TNIK: variants seen among roughly 807,000 people sequenced by gnomAD.
TNIK encodes TRAF2 and NCK-interacting protein kinase.
A neutral mutation model predicts 191.3 loss-of-function variants in TNIK; 49 were observed. The ratio of observed to expected loss-of-function variants is 0.26; its 90% confidence interval spans 0.20 to 0.32. The LOEUF (loss-of-function observed/expected upper bound fraction) is 0.32. Ranked by LOEUF, TNIK falls within the 10% of genes least tolerant of loss-of-function variation. The probability of loss-of-function intolerance (pLI) is 1.00; values close to 1 mark genes in which losing one functional copy is unlikely to be tolerated. For missense variants in TNIK, 1,155 were observed against 1,702.3 expected (o/e 0.68, Z 5.66); for synonymous variants, 594 against 600.9 (o/e 0.99, Z 0.17).
intron 1 of TNIK, among the ~76,000 whole-genome samples, chr3:171,403,756 A>G (rs1721291450): frequency 1.6e-5 from 1 of 61,266 alleles, no homozygotes; most frequent in Admixed American, 1.0e-4. Flanking sequence ...CAGTAGAACT[A>G]GAATAGAGTG....
intron 1 of TNIK, among the ~76,000 whole-genome samples, chr3:171,403,828 T>C (rs933407851): frequency 6.6e-6 from 1 of 152,190 alleles, no homozygotes; most frequent in Admixed American, 6.5e-5. Flanking sequence ...AAGTACTACC[T>C]GTTCAAAATC....
chr3:171,218,925 A>C (rs1399286381), intron 3 of TNIK, among the ~76,000 whole-genome samples: 1 of 130,404 alleles, frequency 7.7e-6, no homozygotes, highest in African/African-American at 3.0e-5. Context: ...ATATATTTTT[A>C]TATGTTTTAT....
intron 3 of TNIK, among the ~76,000 whole-genome samples, chr3:171,214,499 G>C (rs76022747): frequency 3.9e-5 from 6 of 152,158 alleles, no homozygotes; most frequent in South Asian, 4.1e-4. Flanking sequence ...AGGATCACAG[G>C]CTACGAGAAT....
chr3:171,292,261 G>C (rs551990426), intron 2 of TNIK, among the ~76,000 whole-genome samples: 1 of 152,152 alleles, frequency 6.6e-6, no homozygotes, highest in Admixed American at 6.5e-5. Context: ...CATTTTCCAG[G>C]TTCTTTGTAG....
intron 15 of TNIK, among the ~76,000 whole-genome samples, chr3:171,137,331 T>G (rs997737616): frequency 4.6e-5 from 7 of 151,626 alleles, no homozygotes; most frequent in African/African-American, 1.7e-4. Flanking sequence ...TATCTAAAGA[T>G]TCTAGATAAA....
intron 1 of TNIK, among the ~76,000 whole-genome samples, chr3:171,395,088 TTC>T (rs1183890915): frequency 6.6e-6 from 1 of 152,068 alleles, no homozygotes; most frequent in Non-Finnish European, 1.5e-5. Context: ...ACGATTGAGA[TTC>T]TCAACTGGGG....
intron 1 of TNIK, among the ~76,000 whole-genome samples, chr3:171,400,572 C>CAATA (rs10529118): frequency 0.014 from 2,026 of 145,828 alleles, 43 homozygotes; most frequent in African/African-American, 0.044. Flanking sequence ...TCCTATCTCA[C>CAATA]AATAAATAAA....
intron 15 of TNIK, among the ~76,000 whole-genome samples, chr3:171,136,675 G>T (rs377260284): frequency 1.2e-3 from 183 of 152,272 alleles, no homozygotes; most frequent in African/African-American, 4.1e-3. Context: ...ACCTGCCATG[G>T]TCAGGAGCTG....
chr3:171,456,772 C>T (rs149356733), intron 1 of TNIK, among the ~76,000 whole-genome samples: 12 of 152,316 alleles, frequency 7.9e-5, no homozygotes, highest in African/African-American at 2.6e-4. Flanking sequence ...TTCCCTGACC[C>T]TGGTGAAATT....
chr3:171,425,402 A>T (rs969968831), intron 1 of TNIK, among the ~76,000 whole-genome samples: 1 of 152,240 alleles, frequency 6.6e-6, no homozygotes, highest in African/African-American at 2.4e-5. Context: ...TTTATTTACC[A>T]TGCTATATTT....
chr3:171,361,368 T>C (rs1714942373), intron 2 of TNIK, among the ~76,000 whole-genome samples: 1 of 152,202 alleles, frequency 6.6e-6, no homozygotes, highest in South Asian at 2.1e-4. Flanking sequence ...CAGGTTCAAC[T>C]ACCTAGTAGA....
At chr3:171,290,153 T>C (rs1197697613) in intron 2 of TNIK, among the ~76,000 whole-genome samples, 1 of 152,252 alleles carries the variant, frequency 6.6e-6, no homozygotes, top group African/African-American at 2.4e-5. Context: ...AGGCACGTAC[T>C]ACTCTAACCA....
intron 23 of TNIK, 88 bp downstream of exon 23, chr3:171,093,751 C>A: frequency 6.6e-7 from 1 of 1,517,936 alleles, no homozygotes. Context: ...ACTTAAAATA[C>A]ATGCCATAGG....
At chr3:171,164,414 G>C (rs1372797833) in intron 10 of TNIK, among the ~76,000 whole-genome samples, 2 of 152,198 alleles carry the variant, frequency 1.3e-5, no homozygotes, top group African/African-American at 4.8e-5. Flanking sequence ...AAGAATAACT[G>C]ATATTTACTG....
chr3:171,444,763 C>T (rs1727272346), intron 1 of TNIK, among the ~76,000 whole-genome samples: 1 of 152,146 alleles, frequency 6.6e-6, no homozygotes, highest in South Asian at 2.1e-4. Context: ...CACAATTTCT[C>T]TGAGGTCATA....
intron 1 of TNIK, among the ~76,000 whole-genome samples, chr3:171,415,363 G>A (rs1722918660): frequency 6.6e-6 from 1 of 152,036 alleles, no homozygotes; most frequent in African/African-American, 2.4e-5. Flanking sequence ...AGGAGGGCAG[G>A]GCTTTGTATT....
At chr3:171,401,323 C>T (rs560850356) in intron 1 of TNIK, among the ~76,000 whole-genome samples, 18 of 152,286 alleles carry the variant, frequency 1.2e-4, no homozygotes, top group African/African-American at 3.1e-4. Flanking sequence ...CTCCTCCTCA[C>T]CTCACCAGCA....
chr3:171,313,648 G>A (rs1456010671), intron 2 of TNIK, among the ~76,000 whole-genome samples: 1 of 152,044 alleles, frequency 6.6e-6, no homozygotes, highest in Non-Finnish European at 1.5e-5. Context: ...TAACAAACAT[G>A]TAGCCATGTT....
At chr3:171,449,379 G>A (rs907928048) in intron 1 of TNIK, among the ~76,000 whole-genome samples, 14 of 152,136 alleles carry the variant, frequency 9.2e-5, no homozygotes, top group African/African-American at 2.9e-4. Context: ...GTGTAAAAGC[G>A]TTCCTATTTC....
Sources: allele counts gnomAD v4.1 joint callset (sites outside exome capture counted in the v4.1 genomes callset), GRCh38; gene constraint gnomAD v4.1.1; transcripts MANE v1.5; gene names NCBI Gene and HGNC (gene_info 2026-07-23, HGNC 2026-07-21).